Variants in SEM1 observed in about 807,000 individuals in gnomAD.
SEM1 encodes the protein SEM1 26S proteasome subunit, also known as 26S proteasome complex subunit SEM1.
SEM1 carries 3 observed loss-of-function variants against 12.7 expected under a neutral mutation model. The observed-to-expected ratio is 0.24, with a 90% CI of 0.11 to 0.61. SEM1 has a LOEUF of 0.61. SEM1 is among the 20% of genes least tolerant of loss of function. The pLI, the probability that SEM1 is intolerant of heterozygous loss-of-function variation, is 0.88. For synonymous variants in SEM1, 30 were observed against 27.8 expected, an observed-to-expected ratio of 1.08 and a Z score of -0.25; for missense variants, 59 against 81.3, an observed-to-expected ratio of 0.73 and a Z score of 1.06.
At chr7:96,667,371 T>C (rs998076924) in intron 2 of SEM1, among the ~76,000 whole-genome samples, 2 of 152,168 alleles carry the variant, frequency 1.3e-5, no homozygotes, top group Non-Finnish European at 2.9e-5. Flanking sequence ...ACAAGCAAGT[T>C]AGCTGCCCTT....
At chr7:96,666,637 ATTTTTTT>A (rs201188530) in intron 2 of SEM1, among the ~76,000 whole-genome samples, 1 of 134,530 alleles carries the variant, frequency 7.4e-6, no homozygotes, top group African/African-American at 2.8e-5. Context: ...ATTGAATCCA[ATTTTTTT>A]TTTTTTTTTT....
intron 2 of SEM1, among the ~76,000 whole-genome samples, chr7:96,588,381 CACACACACACACACACGA>C (rs1185325057): frequency 4.8e-4 from 66 of 137,224 alleles, no homozygotes; most frequent in African/African-American, 1.1e-3. Context: ...CACACACACA[CACACACACACACACACGA>C]GAGAGAGAGA....
chr7:96,534,182 G>C (rs1173003551), intron 2 of SEM1, among the ~76,000 whole-genome samples: 1 of 151,996 alleles, frequency 6.6e-6, no homozygotes, highest in Non-Finnish European at 1.5e-5. Context: ...AATGAACAAA[G>C]TGAACTTGTC....
chr7:96,653,256 G>C (rs1809060173), intron 2 of SEM1, among the ~76,000 whole-genome samples: 2 of 152,126 alleles, frequency 1.3e-5, no homozygotes, highest in Non-Finnish European at 2.9e-5. Flanking sequence ...GCAGATATCA[G>C]ATTCAGCTGT....
upstream of SEM1, among the ~76,000 whole-genome samples, chr7:96,498,651 G>T (rs955948111): frequency 2.6e-5 from 4 of 152,092 alleles, no homozygotes; most frequent in Admixed American, 6.5e-5. Flanking sequence ...ATAATAATAA[G>T]AAGAATATAA....
At position 96,615,239 on chromosome 7, in the gene SEM1, A is replaced by ATTTTTTTTTTTTTTTTTTTTTTTTTT. The variant is rs1421596853; in HGVS notation, c.170+79558_170+79559insAAAAAAAAAAAAAAAAAAAAAAAAAA. ...GGACTGTTGGGTTATTTTTTGAGTC[A>ATTTTTTTTTTTTTTTTTTTTTTTTTT]TCTTTTTTTTTTTTTTTTTTTTTTT... is the stretch of plus-strand genomic sequence containing the variant. On this transcript the variant is annotated intron_variant and NMD_transcript_variant, in intron 2 of 3. Coordinates refer to the SEM1 transcript ENST00000466986. Among the ~76,000 whole-genome samples, 5 of 98,140 alleles carry ATTTTTTTTTTTTTTTTTTTTTTTTTT rather than the reference A, an allele frequency of 5.1e-5. 1 individual carries two copies. The highest frequency in any genetic ancestry group is 8.4e-5 in the African/African-American group (2 of 23,760). The allele number at this position is 98,140 out of a possible 152,430, so 64.4% of individuals were successfully genotyped here. A position where few individuals can be genotyped will look rare whatever the true frequency, so the allele number is the denominator to read the frequency against.
At chr7:96,677,459 T>C (rs1210500043) in intron 2 of SEM1, among the ~76,000 whole-genome samples, 1 of 152,156 alleles carries the variant, frequency 6.6e-6, no homozygotes, top group Non-Finnish European at 1.5e-5. Context: ...TTACAGAATC[T>C]CTCACAAAGA....
intron 2 of SEM1, among the ~76,000 whole-genome samples, chr7:96,680,835 A>G (rs930686326): frequency 3.3e-5 from 5 of 152,130 alleles, no homozygotes; most frequent in Non-Finnish European, 5.9e-5. Context: ...AAATGAAATC[A>G]ATATTCTGGC....
At chr7:96,568,246 T>A (rs1485134642) in intron 2 of SEM1, among the ~76,000 whole-genome samples, 1 of 150,604 alleles carries the variant, frequency 6.6e-6, no homozygotes, top group Non-Finnish European at 1.5e-5. Context: ...CCATTTTTTT[T>A]AGATTTTTAA....
At chr7:96,557,438 G>A (rs4729265) in intron 2 of SEM1, among the ~76,000 whole-genome samples, 2,296 of 121,628 alleles carry the variant, frequency 0.019, 84 homozygotes, top group East Asian at 0.084. Context: ...AGGTCTGTTG[G>A]AATACCCTGC....
At chr7:96,615,828 G>T (rs1408584715) in intron 2 of SEM1, among the ~76,000 whole-genome samples, 1 of 152,092 alleles carries the variant, frequency 6.6e-6, no homozygotes, top group East Asian at 1.9e-4. Context: ...GCTCCCACTT[G>T]TAAGTGTTAA....
intron 1 of SEM1, among the ~76,000 whole-genome samples, chr7:96,708,664 C>G (rs1305172807): frequency 6.6e-6 from 1 of 152,186 alleles, no homozygotes; most frequent in African/African-American, 2.4e-5. Context: ...AGCAGTACAG[C>G]TGAAGTTAAG....
chr7:96,632,507 A>G (rs1395126812), intron 2 of SEM1, among the ~76,000 whole-genome samples: 1 of 152,122 alleles, frequency 6.6e-6, no homozygotes, highest in Non-Finnish European at 1.5e-5. Context: ...GAACAATGAG[A>G]ACGCATGGAT....
chr7:96,568,212 G>A (rs1805909322), intron 2 of SEM1, among the ~76,000 whole-genome samples: 1 of 149,576 alleles, frequency 6.7e-6, no homozygotes, highest in Non-Finnish European at 1.5e-5. Context: ...CACTTTTGGT[G>A]ATTTAAGTTT....
chr7:96,541,965 T>TTC (rs1804970348), intron 2 of SEM1, among the ~76,000 whole-genome samples: 2 of 130,402 alleles, frequency 1.5e-5, no homozygotes, highest in Non-Finnish European at 3.4e-5. Flanking sequence ...TTTTTTTTTT[T>TTC]CCAATAGCAT....
Position 96,603,746 on chromosome 7 carries a change from C to T in SEM1, c.170+91052G>A, listed in dbSNP as rs185846006. On this transcript the variant is annotated intron_variant and NMD_transcript_variant, in intron 2 of 3. Coordinates refer to the SEM1 transcript ENST00000466986. ...TCCCAACAGTGCTCCTCCCTCCCTC[C>T]AACCCCACCTCAACATTTTTTATCT... Among the ~76,000 whole-genome samples, 11 of 152,244 alleles carry T rather than the reference C, an allele frequency of 7.2e-5. No homozygotes were observed. The East Asian group carries it at 2.1e-3, about 29-fold the overall frequency.
downstream of SEM1, chr7:96,621,889 C>T (rs985346536): frequency 5.9e-5 from 9 of 152,368 alleles, no homozygotes; most frequent in Non-Finnish European, 1.2e-4. Flanking sequence ...TCTGTAGCTT[C>T]TTCTTCCCTA....
chr7:96,646,380 A>G (rs1285997990), intron 2 of SEM1, among the ~76,000 whole-genome samples: 1 of 152,160 alleles, frequency 6.6e-6, no homozygotes, highest in Non-Finnish European at 1.5e-5. Context: ...CTCATTCCTA[A>G]AAGTCCAGCT....
At chr7:96,676,612 G>A (rs1789454935) in intron 2 of SEM1, among the ~76,000 whole-genome samples, 1 of 152,174 alleles carries the variant, frequency 6.6e-6, no homozygotes, top group African/African-American at 2.4e-5. Flanking sequence ...CTACATTTCT[G>A]CCAATTTTAT....
Sources: gnomAD v4.1 joint callset for allele counts (sites outside exome capture counted in the v4.1 genomes callset) on GRCh38, gnomAD v4.1.1 for gene constraint, MANE v1.5 for transcripts, NCBI Gene and HGNC (gene_info 2026-07-23, HGNC 2026-07-21) for gene names.